Variants in CLOCK observed in about 807,000 individuals in gnomAD.
CLOCK encodes the protein circadian locomoter output cycles protein kaput.
A neutral mutation model predicts 118.4 loss-of-function variants in CLOCK; 43 were observed. That is an observed-to-expected ratio of 0.36 (90% CI 0.28 to 0.47). CLOCK has a LOEUF of 0.47. Among genes scored for constraint, CLOCK ranks in the 20% least tolerant of loss-of-function variants. The probability of loss-of-function intolerance (pLI) is 1.00; values close to 1 mark genes in which losing one functional copy is unlikely to be tolerated. For synonymous variants in CLOCK, 326 were observed against 339.2 expected, an observed-to-expected ratio of 0.96 and a Z score of 0.43; for missense variants, 846 against 999.9, an observed-to-expected ratio of 0.85 and a Z score of 2.08.
chr4:55,542,379 ATAT>A (rs58368138), intron 1 of CLOCK, among the ~76,000 whole-genome samples: 13 of 56,566 alleles, frequency 2.3e-4, no homozygotes, highest in African/African-American at 1.1e-3. Context: ...AATAATAATA[ATAT>A]TATTATTATT....
chr4:55,452,806 A>G, intron 15 of CLOCK: 1 of 332,436 alleles, frequency 3.0e-6, no homozygotes, highest in Non-Finnish European at 5.5e-6. Flanking sequence ...ACCTAGCCAG[A>G]GACTAGTACA....
intron 2 of CLOCK, among the ~76,000 whole-genome samples, chr4:55,495,884 T>C (rs1218787947): frequency 3.0e-5 from 2 of 67,768 alleles, no homozygotes; most frequent in Non-Finnish European, 7.3e-5. Context: ...AAACACAAAC[T>C]TTTTTTAAAA....
At chr4:55,476,644 C>T (rs1577754353) in intron 6 of CLOCK, among the ~76,000 whole-genome samples, 1 of 152,128 alleles carries the variant, frequency 6.6e-6, no homozygotes, top group East Asian at 1.9e-4. Context: ...TTAGTGTCCT[C>T]CTTGTACAAC....
At chr4:55,462,052 C>A (rs1284751227) in intron 9 of CLOCK, among the ~76,000 whole-genome samples, 1 of 152,046 alleles carries the variant, frequency 6.6e-6, no homozygotes, top group Non-Finnish European at 1.5e-5. Context: ...TTTCTTTTTT[C>A]TGGGGCAAGA....
At chr4:55,436,157 G>A (rs1322284403) in intron 22 of CLOCK, among the ~76,000 whole-genome samples, 1 of 152,142 alleles carries the variant, frequency 6.6e-6, no homozygotes, top group East Asian at 1.9e-4. Context: ...AGGAATAACA[G>A]TGCCTACCAC....
chr4:55,521,697 T>G (rs977019427), intron 1 of CLOCK, among the ~76,000 whole-genome samples: 1 of 152,208 alleles, frequency 6.6e-6, no homozygotes, highest in Admixed American at 6.5e-5. Flanking sequence ...CTTGAGCAAA[T>G]TATTCACTTT....
intron 1 of CLOCK, among the ~76,000 whole-genome samples, chr4:55,543,887 C>T (rs1011217392): frequency 2.0e-5 from 3 of 151,896 alleles, no homozygotes; most frequent in African/African-American, 4.8e-5. Flanking sequence ...ATTAGAAAAA[C>T]CTACATATCA....
At chr4:55,464,109 CAA>C (rs1314359538) in intron 8 of CLOCK, among the ~76,000 whole-genome samples, 1 of 152,168 alleles carries the variant, frequency 6.6e-6, no homozygotes, top group Non-Finnish European at 1.5e-5. Flanking sequence ...TCTCTGGCGA[CAA>C]GTCATAGCCT....
intron 3 of CLOCK, among the ~76,000 whole-genome samples, chr4:55,483,596 G>C (rs1166730271): frequency 1.3e-5 from 2 of 152,178 alleles, no homozygotes; most frequent in African/African-American, 4.8e-5. Flanking sequence ...GACAGAAACA[G>C]ATAATAGGTG....
chr4:55,536,357 G>A (rs1577874907), intron 1 of CLOCK, among the ~76,000 whole-genome samples: 1 of 152,174 alleles, frequency 6.6e-6, no homozygotes, highest in African/African-American at 2.4e-5. Flanking sequence ...CAAATCTCAT[G>A]ATGAAATGTA....
intron 1 of CLOCK, among the ~76,000 whole-genome samples, chr4:55,523,835 T>C (rs11726198): frequency 0.34 from 51,391 of 152,120 alleles, 9,376 homozygotes; most frequent in East Asian, 0.58. Flanking sequence ...AAACCTTTGA[T>C]GGCTTATAAT....
At chr4:55,467,462 G>T (rs1164891410) in intron 8 of CLOCK, among the ~76,000 whole-genome samples, 1 of 152,124 alleles carries the variant, frequency 6.6e-6, no homozygotes, top group African/African-American at 2.4e-5. Flanking sequence ...GGTAACAGTA[G>T]AACAGAGATG....
chr4:55,508,567 T>C (rs985002833), intron 2 of CLOCK, among the ~76,000 whole-genome samples: 2 of 151,380 alleles, frequency 1.3e-5, no homozygotes, highest in African/African-American at 4.8e-5. Flanking sequence ...TCAGCTAAAC[T>C]TATTCTGTAA....
At chr4:55,523,207 G>T (rs1160039433) in intron 1 of CLOCK, among the ~76,000 whole-genome samples, 1 of 152,164 alleles carries the variant, frequency 6.6e-6, no homozygotes, top group Non-Finnish European at 1.5e-5. Context: ...GGCTGAGGCA[G>T]GAGAATGGCA....
chr4:55,483,868 G>A (rs183392523), intron 3 of CLOCK, among the ~76,000 whole-genome samples: 25 of 152,288 alleles, frequency 1.6e-4, no homozygotes, highest in South Asian at 8.3e-4. Flanking sequence ...CTGCTTTAAA[G>A]CTGGATCACA....
intron 3 of CLOCK, 147 bp from the exon 4 acceptor site, chr4:55,482,975 C>T (rs1727032942): frequency 2.2e-6 from 1 of 455,474 alleles, no homozygotes; most frequent in Non-Finnish European, 3.9e-6. Context: ...CAAGCAAATA[C>T]CTATGGCTGA....
At chr4:55,450,308 CA>C in intron 15 of CLOCK, 76 bp from the exon 16 acceptor site, 1 of 1,574,900 alleles carries the variant, frequency 6.3e-7, no homozygotes, top group Non-Finnish European at 8.7e-7. Context: ...CTGTTAACAA[CA>C]ACAAAAAAAT....
At chr4:55,541,090 A>G (rs542390718) in intron 1 of CLOCK, among the ~76,000 whole-genome samples, 3 of 152,336 alleles carry the variant, frequency 2.0e-5, no homozygotes, top group African/African-American at 7.2e-5. Flanking sequence ...ATATCCAACT[A>G]AAGTAATAAC....
chr4:55,438,604 G>C (rs2109649904), intron 21 of CLOCK, 67 bp from the exon 22 acceptor site: 1 of 1,608,634 alleles, frequency 6.2e-7, no homozygotes, highest in African/African-American at 1.3e-5. Context: ...AAACGCAGTG[G>C]AGTAAATACT....
Sources: allele counts gnomAD v4.1 joint callset (sites outside exome capture counted in the v4.1 genomes callset), GRCh38; gene constraint gnomAD v4.1.1; transcripts MANE v1.5; gene names NCBI Gene and HGNC (gene_info 2026-07-23, HGNC 2026-07-21).